Variants in CUL9 observed in about 807,000 individuals in gnomAD.
The protein encoded by CUL9 is cullin-9.
Under a neutral mutation model 272.6 loss-of-function variants are expected in CUL9, and 79 were observed. The ratio of observed to expected loss-of-function variants is 0.29; its 90% confidence interval spans 0.24 to 0.35. The LOEUF (loss-of-function observed/expected upper bound fraction) is 0.35, where lower values mean the gene tolerates loss of function less well. Among genes scored for constraint, CUL9 ranks in the 10% least tolerant of loss-of-function variants. CUL9 has a pLI of 1.00. For missense variants in CUL9, 2,532 were observed against 3,255.6 expected, an observed-to-expected ratio of 0.78 and a Z score of 5.41; for synonymous variants, 1,186 against 1,286.5, an observed-to-expected ratio of 0.92 and a Z score of 1.67.
At position 43,206,318 on chromosome 6, in the gene CUL9, CAGGAGGAAG is replaced by C. The variant is rs542758187; in HGVS notation, c.5034_5042del (p.Glu1679_Glu1681del). The C allele has an allele frequency of 3.9e-3, 6,263 of 1,613,972 alleles. 23 individuals carry two copies. Among genetic ancestry groups the C allele is most frequent in the South Asian group, 5.8e-3 (532 of 91,054 alleles). ...GGGCCCTTGAAATCCTTCTGTCCCT[CAGGAGGAAG>C]AGGAGGAAGAGGAAGCTGAGAAAGA... On this transcript the variant is annotated splice_acceptor_variant and coding_sequence_variant, in exon 26 of 41. Transcript: ENST00000252050. LOFTEE classifies it high-confidence loss of function. This position sits in a 1 kb window ranked among gnomAD's most constrained non-coding sequence, Gnocchi z 4.8.
intron 8 of CUL9, among the ~76,000 whole-genome samples, chr6:43,190,381 G>T (rs767823425): frequency 6.6e-6 from 1 of 150,588 alleles, no homozygotes; most frequent in Admixed American, 6.6e-5. Context: ...GTATTTATAG[G>T]CATTTTGGTT....
At chr6:43,217,859 C>T (rs1232021178) in intron 31 of CUL9, among the ~76,000 whole-genome samples, 7 of 152,202 alleles carry the variant, frequency 4.6e-5, no homozygotes, top group Non-Finnish European at 8.8e-5. Context: ...GACCAGAGAG[C>T]TAATAATATT....
In CUL9 at chr6:43,224,363, C is replaced by T; in HGVS notation, c.7472C>T (p.Ser2491Phe). 6.2e-7 allele frequency: 1 copy of T among 1,614,192 alleles called. No homozygotes were observed. The highest frequency in any genetic ancestry group is 8.5e-7 in the Non-Finnish European group (1 of 1,180,040). The change falls in exon 41 of 41, where the codon TCC (serine) becomes TTC (phenylalanine). Residue 2491 changes from serine to phenylalanine, a missense_variant. Transcript: ENST00000252050. This position sits in a 1 kb window ranked among gnomAD's most constrained non-coding sequence, Gnocchi z 4.2. ...FDEELDNDSF[S>F]YDESENLDQE... ...GAGGAGCTGGACAATGACAGCTTCT[C>T]CTACGATGAGTCTGAGAACCTGGAC...
chr6:43,209,128 ATTTT>A (rs1354473604), intron 26 of CUL9, among the ~76,000 whole-genome samples: 2 of 137,636 alleles, frequency 1.5e-5, no homozygotes, highest in Non-Finnish European at 3.1e-5. Flanking sequence ...CCATATTCTA[ATTTT>A]TTCTTTCTTT....
chr6:43,216,997 T>G (rs1020364888), intron 31 of CUL9, among the ~76,000 whole-genome samples: 6 of 152,192 alleles, frequency 3.9e-5, no homozygotes, highest in Non-Finnish European at 1.5e-5. Flanking sequence ...TATTACCATT[T>G]AAGTCCCCAC....
intron 16 of CUL9, among the ~76,000 whole-genome samples, chr6:43,201,442 A>G (rs16896342): frequency 0.028 from 4,192 of 152,272 alleles, 105 homozygotes; most frequent in African/African-American, 0.073. Flanking sequence ...AAGTCATCAT[A>G]TTTGGTTACA....
At chr6:43,212,538 A>C (rs1470484960) in intron 26 of CUL9, among the ~76,000 whole-genome samples, 6 of 152,378 alleles carry the variant, frequency 3.9e-5, no homozygotes, top group Non-Finnish European at 7.3e-5. Flanking sequence ...TTTTAAAAAT[A>C]ATATGGTGGT....
chr6:43,185,744 C>T, intron 3 of CUL9, 134 bp downstream of exon 3: 2 of 1,208,376 alleles, frequency 1.7e-6, no homozygotes, highest in East Asian at 2.5e-5. Context: ...TCCTCCCTCC[C>T]AGCCCCTCTC....
Position 43,213,057 on chromosome 6 carries a change from G to A in CUL9, c.5213-92G>A. ...AATGCTGGGGCCCTCCTCCCCATAG[G>A]GACTAGTAGGAGCAAAGCTTGACAC... is the stretch of plus-strand genomic sequence containing the variant. On this transcript the variant is annotated intron_variant, in intron 26 of 40. Transcript: ENST00000252050. This position sits in a 1 kb window ranked among gnomAD's most constrained non-coding sequence, Gnocchi z 5.7. 1 of 1,414,526 alleles carries A rather than the reference G, an allele frequency of 7.1e-7. No homozygotes were observed. Among genetic ancestry groups the A allele is most frequent in the Middle Eastern group, 1.8e-4 (1 of 5,442 alleles). The allele number at this position is 1,414,526 out of a possible 1,614,324, so 87.6% of individuals were successfully genotyped here.
chr6:43,194,226 A>G (rs1445895962), intron 9 of CUL9, among the ~76,000 whole-genome samples: 3 of 152,128 alleles, frequency 2.0e-5, no homozygotes, highest in Non-Finnish European at 4.4e-5. Flanking sequence ...GAACGGGAGC[A>G]TGTGTCCTCT....
At chr6:43,198,569 T>C (rs753863266) in intron 11 of CUL9, 40 bp from the exon 12 acceptor site, 2 of 1,607,766 alleles carry the variant, frequency 1.2e-6, no homozygotes, top group Non-Finnish European at 8.5e-7. Flanking sequence ...CTGGTAAGAC[T>C]CTTCATCCAC....
chr6:43,190,968 G>A (rs1397298716), intron 8 of CUL9, among the ~76,000 whole-genome samples: 1 of 151,840 alleles, frequency 6.6e-6, no homozygotes, highest in Non-Finnish European at 1.5e-5. Context: ...CGCTTGTCTC[G>A]TAATTTTGTG....
Position 43,205,038 on chromosome 6 carries a change from C to T in CUL9, c.4555C>T (p.Arg1519Trp), listed in dbSNP as rs139277408. Residue 1519 changes from arginine to tryptophan, a missense_variant, in exon 23 of 41, where the codon CGG (arginine) becomes TGG (tryptophan). Physicochemically the swap from Arg to Trp is moderately radical, Grantham distance 101 (BLOSUM62 -3). This residue lies in a region of CUL9 where 2,218 missense variants were observed against 2,788.6 expected (regional missense o/e 0.80). Transcript: ENST00000252050. ...AGCAGGCTCCGAGCTGTTTGGGCCT[C>T]GGGCAGCCTTCATGCTGGCTCTGCG... ...QRAGSELFGP[R>W]AAFMLALRSG... is the part of the protein sequence containing the mutation. 1.4e-5 allele frequency: 23 copies of T among 1,612,544 alleles called. No individual in the cohort carries two copies. The East Asian group carries it at 2.7e-4, about 19-fold the overall frequency.
At chr6:43,202,930 G>A (rs997393913) in intron 17 of CUL9, 109 bp downstream of exon 17, 44 of 1,262,542 alleles carry the variant, frequency 3.5e-5, no homozygotes, top group Non-Finnish European at 4.9e-5. Context: ...TTCCCCTTGG[G>A]AAGGTGTTGC....
At chr6:43,202,905 G>A in intron 17 of CUL9, 84 bp downstream of exon 17, 3 of 1,384,888 alleles carry the variant, frequency 2.2e-6, no homozygotes, top group South Asian at 2.4e-5. Context: ...AGTCCCTGGG[G>A]AATGGTGACA....
chr6:43,193,238 C>A (rs1006181895), intron 9 of CUL9, 30 bp downstream of exon 9: 5 of 1,603,862 alleles, frequency 3.1e-6, no homozygotes, highest in Non-Finnish European at 4.3e-6. Context: ...CGGGAGAGAA[C>A]AATGGGCAAG....
intron 16 of CUL9, among the ~76,000 whole-genome samples, chr6:43,202,098 A>G (rs1774634895): frequency 6.6e-6 from 1 of 152,226 alleles, no homozygotes; most frequent in Admixed American, 6.5e-5. Context: ...GGAGTCCACA[A>G]GACTTGCCTT....
chr6:43,187,911 C>G lies in CUL9; in HGVS notation c.1780C>G (p.Pro594Ala), dbSNP rs149158952. Residue 594 changes from proline to alanine, a missense_variant, in exon 7 of 41, where the codon CCA (proline) becomes GCA (alanine). Physicochemically the swap from Pro to Ala is conservative, Grantham distance 27 (BLOSUM62 -1). This residue lies in a region of CUL9 where 2,218 missense variants were observed against 2,788.6 expected (regional missense o/e 0.80). Transcript: ENST00000252050. ...ACGAAATCACTCCTGTACCCCAGATCCAGAAGAGGAGTCCAAGTCGGAGGC... is the reference window on the plus strand; with the variant it reads ...ACGAAATCACTCCTGTACCCCAGATGCAGAAGAGGAGTCCAAGTCGGAGGC... ...TSRNHSCTPD[P>A]EEESKSEASF... The G allele has an allele frequency of 1.2e-6, 2 of 1,613,918 alleles. No individual in the cohort carries two copies. The highest frequency in any genetic ancestry group is 1.7e-6 in the Non-Finnish European group (2 of 1,180,016).
chr6:43,189,337 C>A (rs1357054858), intron 8 of CUL9, among the ~76,000 whole-genome samples: 1 of 151,774 alleles, frequency 6.6e-6, no homozygotes, highest in Non-Finnish European at 1.5e-5. Context: ...TTACAGGCAC[C>A]ACCACACCCA....
Sources: allele counts gnomAD v4.1 joint callset (sites outside exome capture counted in the v4.1 genomes callset), GRCh38; gene constraint gnomAD v4.1.1; regional missense constraint gnomAD v4.1.1; non-coding constraint Gnocchi (gnomAD v3.1); transcripts MANE v1.5; gene names NCBI Gene and HGNC (gene_info 2026-07-23, HGNC 2026-07-21).